Variants in LYRM4 observed in about 807,000 individuals in gnomAD.
LYRM4 encodes LYR motif-containing protein 4.
LYRM4 carries 9 observed loss-of-function variants against 11.7 expected under a neutral mutation model. The ratio of observed to expected loss-of-function variants is 0.77; its 90% CI spans 0.46 to 1.34. LYRM4 has a LOEUF of 1.34. LYRM4 is among the 40% of genes most tolerant of loss of function. The probability of loss-of-function intolerance (pLI) is 0.00; values close to 1 mark genes in which losing one functional copy is unlikely to be tolerated. For synonymous variants in LYRM4, 42 were observed against 40.4 expected (o/e 1.04, Z -0.15); for missense variants, 133 against 112.5 (o/e 1.18, Z -0.82).
chr6:5,134,764 T>C (rs1561819004), intron 2 of LYRM4, among the ~76,000 whole-genome samples: 1 of 152,236 alleles, frequency 6.6e-6, no homozygotes, highest in Non-Finnish European at 1.5e-5. Context: ...CATTTTTCCA[T>C]AATAACAGGT....
intron 2 of LYRM4, among the ~76,000 whole-genome samples, chr6:5,206,931 A>G (rs896272815): frequency 7.9e-5 from 12 of 152,174 alleles, no homozygotes; most frequent in African/African-American, 2.9e-4. Context: ...GGGAAGATAT[A>G]CAATTTCTGA....
chr6:5,117,477 C>T (rs1561807053), intron 2 of LYRM4, among the ~76,000 whole-genome samples: 2 of 151,806 alleles, frequency 1.3e-5, no homozygotes, highest in South Asian at 4.2e-4. Context: ...ATCGCTTGAA[C>T]CTGGGAGGCA....
chr6:5,249,072 C>T (rs1264831697), intron 1 of LYRM4, among the ~76,000 whole-genome samples: 1 of 152,240 alleles, frequency 6.6e-6, no homozygotes, highest in Non-Finnish European at 1.5e-5. Flanking sequence ...GATTTGGCAG[C>T]TGGACTACCA....
At chr6:5,125,258 C>A (rs142865825) in intron 2 of LYRM4, among the ~76,000 whole-genome samples, 1 of 152,184 alleles carries the variant, frequency 6.6e-6, no homozygotes, top group Non-Finnish European at 1.5e-5. Flanking sequence ...CTCACTCCTA[C>A]GGAATCCTCA....
the LYRM4 span, chr6:5,034,753 C>CTTTTTTTTTTTTTTTTTTTTTTTTTTTT: frequency 2.1e-5 from 2 of 93,850 alleles, no homozygotes; most frequent in African/African-American, 1.0e-4. Context: ...TACAGCAATG[C>CTTTTTTTTTTTTTTTTTTTTTTTTTTTT]TTTTTTTTTT....
intron 1 of LYRM4, among the ~76,000 whole-genome samples, chr6:5,244,210 T>C (rs766761155): frequency 1.4e-4 from 22 of 152,190 alleles, no homozygotes; most frequent in Non-Finnish European, 2.8e-4. Context: ...TACTTTATTA[T>C]AAAATAGGAT....
chr6:5,168,585 G>A, intron 2 of LYRM4, among the ~76,000 whole-genome samples: 1 of 152,132 alleles, frequency 6.6e-6, no homozygotes, highest in East Asian at 1.9e-4. Context: ...CAGATTACAG[G>A]AGATAAAACA....
At chr6:5,095,275 GGAAAAA>G in the LYRM4 span, among the ~76,000 whole-genome samples, 1 of 152,088 alleles carries the variant, frequency 6.6e-6, no homozygotes, top group African/African-American at 2.4e-5. Flanking sequence ...ACCTGTTACA[GGAAAAA>G]CCTTAGACAA....
At chr6:5,038,093 G>A in the LYRM4 span, among the ~76,000 whole-genome samples, 23 of 60,134 alleles carry the variant, frequency 3.8e-4, 4 homozygotes, top group South Asian at 0.017. Context: ...CTCAGACGGG[G>A]CGGCCGGGCA....
At chr6:5,118,095 TTTTTG>T (rs1554126848) in intron 2 of LYRM4, among the ~76,000 whole-genome samples, 1 of 96,884 alleles carries the variant, frequency 1.0e-5, no homozygotes, top group African/African-American at 4.0e-5. Flanking sequence ...TATATATATA[TTTTTG>T]TTTTGTTTTG....
Position 5,123,521 on chromosome 6 carries a change from G to C in LYRM4, c.208-14030C>G, listed in dbSNP as rs573325369. The stretch of plus-strand genomic sequence containing the variant: ...TGGGGGAAGGGGACCCTTGGCCGGG[G>C]TATAGGACAAAACTGACGTTCAGGC... On this transcript the variant is annotated intron_variant, in intron 2 of 2. Transcript: ENST00000330636. Among the ~76,000 whole-genome samples, 21 of 152,324 alleles carry C rather than the reference G, an allele frequency of 1.4e-4. 1 individual carries two copies. The South Asian group carries it at 3.9e-3, about 29-fold the overall frequency.
intron 1 of LYRM4, among the ~76,000 whole-genome samples, chr6:5,228,207 C>A (rs982270998): frequency 6.6e-6 from 1 of 152,160 alleles, no homozygotes; most frequent in Admixed American, 6.5e-5. Flanking sequence ...GGCAGAAAAA[C>A]CCCCTAAATT....
At chr6:5,191,624 G>T (rs1760760939) in intron 2 of LYRM4, among the ~76,000 whole-genome samples, 1 of 152,122 alleles carries the variant, frequency 6.6e-6, no homozygotes, top group African/African-American at 2.4e-5. Flanking sequence ...AGACAACTTG[G>T]TGATCAGAGA....
the LYRM4 span, among the ~76,000 whole-genome samples, chr6:5,068,816 A>G: frequency 6.6e-6 from 1 of 152,216 alleles, no homozygotes; most frequent in African/African-American, 2.4e-5. This position sits in a 1 kb window ranked among gnomAD's most constrained non-coding sequence, Gnocchi z 4.0. Flanking sequence ...TGAGTTATCC[A>G]TTTGTAAACT....
At chr6:5,081,412 T>G in the LYRM4 span, among the ~76,000 whole-genome samples, 61 of 152,198 alleles carry the variant, frequency 4.0e-4, no homozygotes, top group Non-Finnish European at 7.1e-4. Context: ...CCCCATGGGC[T>G]GCAAGGTGGG....
chr6:5,080,439 G>A, the LYRM4 span, among the ~76,000 whole-genome samples: 1 of 152,356 alleles, frequency 6.6e-6, no homozygotes, highest in Non-Finnish European at 1.5e-5. Context: ...GAGCAGAACT[G>A]TTTGCCAAAT....
At chr6:5,041,156 C>G in the LYRM4 span, among the ~76,000 whole-genome samples, 1 of 151,198 alleles carries the variant, frequency 6.6e-6, no homozygotes, top group African/African-American at 2.4e-5. Context: ...CAGAGTGAGA[C>G]TCGTCTCAAA....
chr6:5,120,915 C>T (rs986451119), intron 2 of LYRM4, among the ~76,000 whole-genome samples: 8 of 152,192 alleles, frequency 5.3e-5, no homozygotes, highest in Non-Finnish European at 7.3e-5. Flanking sequence ...CAGCTGGCTT[C>T]GCCTCTCAGT....
At chr6:5,154,821 A>T (rs1323530872) in intron 2 of LYRM4, among the ~76,000 whole-genome samples, 1 of 152,192 alleles carries the variant, frequency 6.6e-6, no homozygotes, top group East Asian at 1.9e-4. Flanking sequence ...TCCGTCTCAA[A>T]AAATAAATGA....
Sources: gnomAD v4.1 joint callset for allele counts (sites outside exome capture counted in the v4.1 genomes callset) on GRCh38, gnomAD v4.1.1 for gene constraint, Gnocchi (gnomAD v3.1) non-coding constraint, MANE v1.5 for transcripts, NCBI Gene and HGNC (gene_info 2026-07-23, HGNC 2026-07-21) for gene names.